Variants in VAV2 observed in about 807,000 individuals in gnomAD.
The protein encoded by VAV2 is vav guanine nucleotide exchange factor 2.
VAV2 carries 67 observed loss-of-function variants against 132.5 expected under a neutral mutation model. The observed-to-expected ratio is 0.51, with a 90% CI of 0.42 to 0.62. VAV2 has a LOEUF of 0.62. Ranked by LOEUF, VAV2 falls within the 20% of genes least tolerant of loss-of-function variation. VAV2 has a pLI of 0.00. For missense variants in VAV2, 938 were observed against 1,153.6 expected, an observed-to-expected ratio of 0.81 and a Z score of 2.71; for synonymous variants, 492 against 443.5, an observed-to-expected ratio of 1.11 and a Z score of -1.37.
At chr9:133,974,832 T>C (rs969630129) in intron 1 of VAV2, among the ~76,000 whole-genome samples, 2 of 152,032 alleles carry the variant, frequency 1.3e-5, no homozygotes, top group African/African-American at 4.8e-5. Flanking sequence ...TTCCAGGACT[T>C]CCAGACAGGA....
At chr9:133,781,518 CTG>C (rs1834006965) in intron 19 of VAV2, among the ~76,000 whole-genome samples, 3 of 152,128 alleles carry the variant, frequency 2.0e-5, no homozygotes, top group Admixed American at 2.0e-4. Context: ...GCAGCAATGA[CTG>C]TGCCTGATGG....
chr9:133,776,857 C>T (rs1833834372), intron 23 of VAV2, among the ~76,000 whole-genome samples: 1 of 152,172 alleles, frequency 6.6e-6, no homozygotes, highest in South Asian at 2.1e-4. Flanking sequence ...TCTGAGCTGT[C>T]CTTTCGGGGT....
chr9:133,913,645 T>C (rs1397417167), intron 2 of VAV2, among the ~76,000 whole-genome samples: 1 of 152,182 alleles, frequency 6.6e-6, no homozygotes, highest in Non-Finnish European at 1.5e-5. Flanking sequence ...TCACGGAACC[T>C]GCCAGTTTTC....
At chr9:133,839,299 A>T (rs1312490126) in intron 3 of VAV2, among the ~76,000 whole-genome samples, 1 of 151,490 alleles carries the variant, frequency 6.6e-6, no homozygotes, top group South Asian at 2.1e-4. Flanking sequence ...GTGGGCTGAC[A>T]GACAGATGGA....
At chr9:133,907,685 T>A (rs143467693) in intron 2 of VAV2, among the ~76,000 whole-genome samples, 1 of 152,208 alleles carries the variant, frequency 6.6e-6, no homozygotes, top group Non-Finnish European at 1.5e-5. Context: ...CGTAAATCAA[T>A]TCCCACTCTC....
rs925298274 is a variant in VAV2, at chr9:133,952,617, C to A, written c.205-13398G>T. Among the ~76,000 whole-genome samples the A allele has an allele frequency of 1.1e-4, 16 of 144,544 alleles. No individual in the cohort carries two copies. The East Asian group carries it at 2.0e-3, about 18-fold the overall frequency. The allele number at this position is 144,544 out of a possible 152,430, so 94.8% of individuals were successfully genotyped here. ...GACTCTGTCTCGGGGAAAAAAAAAA[C>A]AAACCTGAGGCTCTCGAGATAAGAT... On this transcript the variant is annotated intron_variant, in intron 1 of 29. Transcript: ENST00000371850.
At chr9:133,966,835 G>C (rs1842156085) in intron 1 of VAV2, among the ~76,000 whole-genome samples, 1 of 152,080 alleles carries the variant, frequency 6.6e-6, no homozygotes, top group Non-Finnish European at 1.5e-5. Flanking sequence ...AAGAGTTTGA[G>C]ACCAGCCTGG....
Position 133,991,590 on chromosome 9 carries a change from C to G in VAV2, c.204+485G>C, listed in dbSNP as rs1308573600. On this transcript the variant is annotated intron_variant, in intron 1 of 29. Transcript: ENST00000371850. This position sits in a 1 kb window ranked among gnomAD's most constrained non-coding sequence, Gnocchi z 4.8. ...CCAGCTCCCTCCGGCCCCGAGGGCT[C>G]CCGCCCCGCGCCCCTCCCGGGCCCT... 6.6e-6 allele frequency among the ~76,000 whole-genome samples: 1 copy of G among 151,558 alleles called. No individual in the cohort carries two copies.
intron 12 of VAV2, among the ~76,000 whole-genome samples, chr9:133,792,246 T>A (rs1284286917): frequency 7.0e-6 from 1 of 141,920 alleles, no homozygotes; most frequent in East Asian, 2.2e-4. Context: ...TGTGACTGTG[T>A]GTATAAGCGG....
chr9:133,903,096 A>AG (rs1839507406), intron 2 of VAV2, among the ~76,000 whole-genome samples: 1 of 150,542 alleles, frequency 6.6e-6, no homozygotes, highest in Non-Finnish European at 1.5e-5. Flanking sequence ...AAAAAAAAAA[A>AG]GAGGTAGTTT....
At chr9:133,850,515 C>T (rs541117633) in intron 3 of VAV2, among the ~76,000 whole-genome samples, 3 of 152,210 alleles carry the variant, frequency 2.0e-5, no homozygotes, top group Admixed American at 6.5e-5. Flanking sequence ...AACAAATGGA[C>T]GGCTATGGAC....
At chr9:133,901,868 C>T (rs1185211880) in intron 2 of VAV2, among the ~76,000 whole-genome samples, 2 of 152,218 alleles carry the variant, frequency 1.3e-5, no homozygotes, top group Non-Finnish European at 2.9e-5. Flanking sequence ...AATGTGCCAC[C>T]ACCATCGGAG....
chr9:133,991,290 T>G lies in VAV2; in HGVS notation c.204+785A>C, dbSNP rs1843007357. On this transcript the variant is annotated intron_variant, in intron 1 of 29. Coordinates refer to ENST00000371850, the MANE Select transcript of VAV2 (RefSeq NM_001134398.2). This position sits in a 1 kb window ranked among gnomAD's most constrained non-coding sequence, Gnocchi z 4.8. ...CTCAAGTCTTAGCCAAGTTCCCTCT[T>G]AAGAGGCCAAGAAAAGCAGCTTCGT... Among the ~76,000 whole-genome samples the G allele has an allele frequency of 6.6e-6, 1 of 152,012 alleles. No homozygotes were observed. Among genetic ancestry groups the G allele is most frequent in the South Asian group, 2.1e-4 (1 of 4,820 alleles).
intron 1 of VAV2, among the ~76,000 whole-genome samples, chr9:133,960,083 T>G (rs1239851716): frequency 6.6e-5 from 10 of 152,166 alleles, no homozygotes; most frequent in African/African-American, 2.4e-4. Flanking sequence ...AGGCATCCTC[T>G]TTGCCATCGC....
chr9:133,808,957 G>A (rs899769289), intron 7 of VAV2, 83 bp downstream of exon 7: 20 of 1,312,722 alleles, frequency 1.5e-5, no homozygotes, highest in East Asian at 1.2e-4. Flanking sequence ...CCCTGCCTCC[G>A]GAATGCACTC....
At chr9:133,952,794 A>G (rs965097725) in intron 1 of VAV2, among the ~76,000 whole-genome samples, 4 of 152,182 alleles carry the variant, frequency 2.6e-5, no homozygotes, top group African/African-American at 9.7e-5. Flanking sequence ...AAAAGGCAGG[A>G]TGGAGCCTCT....
chr9:133,982,768 T>G (rs1842738853), intron 1 of VAV2, among the ~76,000 whole-genome samples: 2 of 152,232 alleles, frequency 1.3e-5, no homozygotes, highest in Admixed American at 6.5e-5. Flanking sequence ...TTTTAAATGG[T>G]TGAGCAGGGT....
intron 6 of VAV2, among the ~76,000 whole-genome samples, 170 bp downstream of exon 6, chr9:133,810,021 C>T (rs1835299975): frequency 6.6e-6 from 1 of 152,064 alleles, no homozygotes; most frequent in South Asian, 2.1e-4. Context: ...GCTGTGGGTA[C>T]AGGACCACGG....
chr9:133,836,105 C>A (rs1297174700), intron 3 of VAV2, among the ~76,000 whole-genome samples: 27 of 152,204 alleles, frequency 1.8e-4, no homozygotes, highest in Non-Finnish European at 1.5e-5. Context: ...GCCAAGAAGC[C>A]CCTCAAGGAA....
Sources: gnomAD v4.1 joint callset for allele counts (sites outside exome capture counted in the v4.1 genomes callset) on GRCh38, gnomAD v4.1.1 for gene constraint, Gnocchi (gnomAD v3.1) non-coding constraint, MANE v1.5 for transcripts, NCBI Gene and HGNC (gene_info 2026-07-23, HGNC 2026-07-21) for gene names.